ARHGAP6: variants seen among roughly 807,000 people sequenced by gnomAD.
ARHGAP6 encodes rho GTPase-activating protein 6.
A neutral mutation model predicts 55.7 loss-of-function variants in ARHGAP6; 16 were observed. The observed-to-expected ratio is 0.29, with a 90% CI of 0.19 to 0.44. The LOEUF (loss-of-function observed/expected upper bound fraction) is 0.44, where lower values mean the gene tolerates loss of function less well. Ranked by LOEUF, ARHGAP6 falls within the 20% of genes least tolerant of loss-of-function variation. ARHGAP6 has a pLI of 1.00. For missense variants in ARHGAP6, 698 were observed against 808.9 expected, an observed-to-expected ratio of 0.86 and a Z score of 1.66; for synonymous variants, 382 against 360.9, an observed-to-expected ratio of 1.06 and a Z score of -0.66.
At chrX:11,241,080 A>C (rs1469792529) in intron 2 of ARHGAP6, among the ~76,000 whole-genome samples, 19 of 61,404 alleles carry the variant, frequency 3.1e-4, no homozygotes, top group African/African-American at 1.5e-3. Flanking sequence ...CTGGGCGACA[A>C]AAAAAAAAAA....
chrX:11,303,458 C>A (rs759621010), intron 1 of ARHGAP6, among the ~76,000 whole-genome samples: 1 of 111,578 alleles, frequency 9.0e-6, no homozygotes, highest in South Asian at 3.8e-4. Context: ...CATTTGGGTT[C>A]GAAACATTTA....
chrX:11,242,243 T>C (rs2047292939), intron 2 of ARHGAP6, among the ~76,000 whole-genome samples: 1 of 112,168 alleles, frequency 8.9e-6, no homozygotes, highest in Admixed American at 9.4e-5. Flanking sequence ...CGTCTCCTTG[T>C]TCCGTCAAAA....
intron 1 of ARHGAP6, among the ~76,000 whole-genome samples, chrX:11,591,708 G>T (rs2051837314): frequency 8.9e-6 from 1 of 111,988 alleles, no homozygotes; most frequent in Non-Finnish European, 1.9e-5. Flanking sequence ...GGAAAATGAA[G>T]ATTAATGTCA....
chrX:11,196,864 A>G lies in ARHGAP6; in HGVS notation c.820+61T>C, dbSNP rs1416030795. 21 of 637,085 alleles carry G rather than the reference A, an allele frequency of 3.3e-5. No individual in the cohort carries two copies. The East Asian group carries it at 6.6e-4, about 20-fold the overall frequency. The allele number at this position is 637,085 out of a possible 1,213,427, so 52.5% of individuals were successfully genotyped here. A position where few individuals can be genotyped will look rare whatever the true frequency, so the allele number is the denominator to read the frequency against. On this transcript the variant is annotated intron_variant, in intron 3 of 12. Transcript: ENST00000337414. ...TATATCTATGCAATTCAATAACCCC[A>G]CCAAATTTAACCATTATGCTCCATG...
At chrX:11,481,563 T>G (rs1275652822) in intron 1 of ARHGAP6, among the ~76,000 whole-genome samples, 4 of 112,568 alleles carry the variant, frequency 3.6e-5, no homozygotes, top group Non-Finnish European at 3.8e-5. Flanking sequence ...TGCAGGCATT[T>G]CCTAGTGGAG....
rs775200636 is a variant in ARHGAP6, at chrX:11,330,862, C to T, written c.589-76155G>A. 4.5e-5 allele frequency among the ~76,000 whole-genome samples: 5 copies of T among 112,094 alleles called. No individual in the cohort carries two copies. In the Admixed American group the frequency reaches 4.7e-4, roughly 11 times the overall value. On this transcript the variant is annotated intron_variant, in intron 1 of 12. Transcript: ENST00000337414. ...TGCAGGATCCCTCTCTTCCTTTCCT[C>T]TCTATTCTCATGGATGTTAGAATAG...
intron 1 of ARHGAP6, among the ~76,000 whole-genome samples, chrX:11,439,360 T>C (rs1333654647): frequency 8.9e-6 from 1 of 112,420 alleles, no homozygotes; most frequent in Non-Finnish European, 1.9e-5. Flanking sequence ...TCTTGGAACA[T>C]AGTCACACCC....
At chrX:11,514,838 GCACACACACACACACACA>G (rs71928650) in intron 1 of ARHGAP6, among the ~76,000 whole-genome samples, 3 of 96,240 alleles carry the variant, frequency 3.1e-5, no homozygotes, top group Admixed American at 1.1e-4. Flanking sequence ...TCTATGCATT[GCACACACACACACACACA>G]CACACACACA....
intron 1 of ARHGAP6, among the ~76,000 whole-genome samples, chrX:11,377,280 C>T (rs2049212738): frequency 1.8e-5 from 2 of 112,300 alleles, no homozygotes; most frequent in African/African-American, 3.2e-5. Context: ...AAACGTGATG[C>T]TAAATGAAAG....
At chrX:11,529,518 G>T (rs1243002635) in intron 1 of ARHGAP6, among the ~76,000 whole-genome samples, 1 of 112,201 alleles carries the variant, frequency 8.9e-6, no homozygotes. Context: ...ACTCTTGCTT[G>T]ATTTGCATAT....
intron 1 of ARHGAP6, among the ~76,000 whole-genome samples, chrX:11,647,516 G>A (rs774157685): frequency 1.8e-5 from 2 of 112,106 alleles, no homozygotes; most frequent in African/African-American, 6.5e-5. Context: ...AAGGGCAGGC[G>A]AATCCAAATT....
chrX:11,576,832 G>GGTGT (rs1569405198), intron 1 of ARHGAP6, among the ~76,000 whole-genome samples: 3 of 84,890 alleles, frequency 3.5e-5, no homozygotes, highest in Non-Finnish European at 6.8e-5. Flanking sequence ...CTCAAACCAA[G>GGTGT]AGGCAGAGTT....
intron 1 of ARHGAP6, among the ~76,000 whole-genome samples, chrX:11,419,625 G>A (rs1284532899): frequency 8.9e-6 from 1 of 112,084 alleles, no homozygotes; most frequent in South Asian, 3.7e-4. Context: ...GGAACCTAGA[G>A]CAATGTCCAG....
intron 1 of ARHGAP6, among the ~76,000 whole-genome samples, chrX:11,388,266 T>C (rs1208763922): frequency 8.9e-6 from 1 of 112,168 alleles, no homozygotes; most frequent in Non-Finnish European, 1.9e-5. Context: ...TGAGATGGTA[T>C]CTCATTGTGG....
intron 1 of ARHGAP6, among the ~76,000 whole-genome samples, chrX:11,264,773 G>T (rs2047603335): frequency 8.9e-6 from 1 of 112,030 alleles, no homozygotes; most frequent in African/African-American, 3.2e-5. Flanking sequence ...AGACCTTGAA[G>T]ATACTGCTCA....
intron 1 of ARHGAP6, among the ~76,000 whole-genome samples, chrX:11,549,878 A>T (rs2051248856): frequency 8.9e-6 from 1 of 112,783 alleles, no homozygotes. Flanking sequence ...AAAGCATATT[A>T]AAACAAAACA....
chrX:11,196,773 G>A, intron 3 of ARHGAP6, 152 bp downstream of exon 3: 1 of 461,902 alleles, frequency 2.2e-6, no homozygotes, highest in East Asian at 3.8e-5. Context: ...CAGAAGAGTA[G>A]ACCAAAACAG....
At chrX:11,465,011 T>C (rs771657493) in intron 1 of ARHGAP6, among the ~76,000 whole-genome samples, 1 of 111,992 alleles carries the variant, frequency 8.9e-6, no homozygotes, top group Non-Finnish European at 1.9e-5. Context: ...TTAATCTTGT[T>C]TGCCAGGTCG....
intron 1 of ARHGAP6, among the ~76,000 whole-genome samples, chrX:11,260,680 T>C (rs1195357628): frequency 8.9e-6 from 1 of 112,429 alleles, no homozygotes; most frequent in Non-Finnish European, 1.9e-5. Flanking sequence ...ACATGAAAAG[T>C]CAAGGCTCAT....
Sources: allele counts gnomAD v4.1 joint callset (sites outside exome capture counted in the v4.1 genomes callset), GRCh38; gene constraint gnomAD v4.1.1; transcripts MANE v1.5; gene names NCBI Gene and HGNC (gene_info 2026-07-23, HGNC 2026-07-21).